The following SCAF8 variants were observed in gnomAD, a reference collection of about 807,000 sequenced individuals.
SCAF8 encodes the protein SR-related and CTD-associated factor 8.
Under a neutral mutation model 140.5 loss-of-function variants are expected in SCAF8, and 23 were observed. That is an observed-to-expected ratio of 0.16 (90% confidence interval 0.12 to 0.23). The LOEUF (loss-of-function observed/expected upper bound fraction) is 0.23, where lower values mean the gene tolerates loss of function less well. SCAF8 is among the 10% of genes least tolerant of loss of function. SCAF8 has a pLI of 1.00. For missense variants in SCAF8, 1,397 were observed against 1,555.7 expected (o/e 0.90, Z 1.72); for synonymous variants, 575 against 528.9 (o/e 1.09, Z -1.20).
intron 3 of SCAF8, among the ~76,000 whole-genome samples, chr6:154,782,636 A>T (rs1022266597): frequency 6.6e-6 from 1 of 152,184 alleles, no homozygotes; most frequent in Non-Finnish European, 1.5e-5. Flanking sequence ...AAATATTAAC[A>T]TAAGTATTAA....
rs769144717 is a variant in SCAF8, at chr6:154,774,030, G to T, written c.72G>T (p.Ala24=). 1 of 1,613,216 alleles carries T rather than the reference G, an allele frequency of 6.2e-7. No individual in the cohort carries two copies. Among genetic ancestry groups the T allele is most frequent in the Non-Finnish European group, 8.5e-7 (1 of 1,179,344 alleles). The change falls in exon 2 of 20, where the codon GCG becomes GCT. Residue 24 remains alanine (A), a synonymous_variant. Transcript: ENST00000367178. ...ACTATAAACCACCCATTTCGAAAGC[G>T]AAAATGACCCAAATTACTAAGGCAG... ...LNDYKPPISK[A]KMTQITKAAI...
chr6:154,827,664 C>T (rs1778603287), intron 18 of SCAF8, among the ~76,000 whole-genome samples: 1 of 152,104 alleles, frequency 6.6e-6, no homozygotes, highest in Non-Finnish European at 1.5e-5. Context: ...ACTGTCTTTG[C>T]ATTTCCTGTA....
At chr6:154,749,834 C>A (rs966575443) in intron 1 of SCAF8, among the ~76,000 whole-genome samples, 12 of 152,064 alleles carry the variant, frequency 7.9e-5, no homozygotes, top group African/African-American at 2.9e-4. Flanking sequence ...AGAAAAATGA[C>A]TAGCATCTTT....
intron 11 of SCAF8, 29 bp from the exon 12 acceptor site, chr6:154,809,986 A>G (rs1252537110): frequency 6.4e-7 from 1 of 1,557,196 alleles, no homozygotes; most frequent in Non-Finnish European, 8.7e-7. Flanking sequence ...AAACATTGTC[A>G]TTAGAAGTAA....
In SCAF8 at chr6:154,833,284, A is replaced by G. The variant is rs1361454041; in HGVS notation, c.3705A>G (p.Glu1235=). ...CTATACCAGTACAGAATGATCCTGA[A>G]CTTTATGAAAAACTGACATCTTCAA... ...PPPIPVQNDP[E]LYEKLTSSNE... The change falls in exon 20 of 20, where the codon GAA becomes GAG. Residue 1235 remains glutamate (E), a synonymous_variant. Transcript: ENST00000367178. 1.2e-6 allele frequency: 2 copies of G among 1,614,034 alleles called. No individual in the cohort carries two copies. Among genetic ancestry groups the G allele is most frequent in the Admixed American group, 1.7e-5 (1 of 60,014 alleles).
intron 1 of SCAF8, among the ~76,000 whole-genome samples, chr6:154,749,610 G>A (rs967003912): frequency 2.0e-5 from 3 of 152,186 alleles, no homozygotes; most frequent in African/African-American, 4.8e-5. Context: ...ACAGTAGAAA[G>A]GGTGGAGGCA....
chr6:154,800,641 G>C (rs1413899569), intron 6 of SCAF8, among the ~76,000 whole-genome samples: 1 of 149,532 alleles, frequency 6.7e-6, no homozygotes, highest in Non-Finnish European at 1.5e-5. Context: ...AGTGGTTTTG[G>C]AAAGGAGGGT....
At chr6:154,763,243 GA>G (rs1181087238) in intron 1 of SCAF8, among the ~76,000 whole-genome samples, 4 of 152,062 alleles carry the variant, frequency 2.6e-5, no homozygotes, top group African/African-American at 9.7e-5. Context: ...AGGAAGAAAA[GA>G]AAAATATCTG....
In SCAF8 at chr6:154,772,686, C is replaced by CTCAA. The variant is rs537232418; in HGVS notation, c.31-1281_31-1278dup. Among the ~76,000 whole-genome samples, 100 of 152,194 alleles carry CTCAA rather than the reference C, an allele frequency of 6.6e-4. No individual in the cohort carries two copies. The Middle Eastern group carries it at 0.01, about 16-fold the overall frequency. On this transcript the variant is annotated intron_variant, in intron 1 of 19. Transcript: ENST00000367178. ...CCTGGGTGGCACAGTGAGACCCTGT[C>CTCAA]TCAATCAATCAATCAATCAATCAAT...
rs369436526 is a variant in SCAF8 at position 154,817,967 on chromosome 6, TATC to T, written c.1522-507_1522-505del. On this transcript the variant is annotated intron_variant, in intron 13 of 19. Coordinates refer to ENST00000367178, the MANE Select transcript of SCAF8 (RefSeq NM_014892.5). ...AAAGTTTTATAAGACTGAAAATTTT[TATC>T]ATCAATTGTTTCAGATTATGGATTT... 2.7e-3 allele frequency among the ~76,000 whole-genome samples: 410 copies of T among 152,330 alleles called. 3 individuals are homozygous for T. Among genetic ancestry groups the T allele is most frequent in the Non-Finnish European group, 4.9e-3 (333 of 68,002 alleles).
intron 1 of SCAF8, among the ~76,000 whole-genome samples, chr6:154,751,227 C>T (rs1778829472): frequency 6.6e-6 from 1 of 151,740 alleles, no homozygotes; most frequent in East Asian, 1.9e-4. Flanking sequence ...TATCTAAAAA[C>T]CACATTTTTT....
chr6:154,798,644 G>A (rs1401550946), intron 6 of SCAF8, among the ~76,000 whole-genome samples: 1 of 151,176 alleles, frequency 6.6e-6, no homozygotes, highest in African/African-American at 2.4e-5. Context: ...GTTTATTGCC[G>A]AAACCACTTA....
intron 1 of SCAF8, among the ~76,000 whole-genome samples, chr6:154,747,896 CTGTGTGTGTGTGTGTG>C (rs71021073): frequency 0.015 from 2,230 of 144,734 alleles, 58 homozygotes; most frequent in African/African-American, 0.052. Flanking sequence ...CATTTCATTT[CTGTGTGTGTGTGTGTG>C]TGTGTGTGTG....
At chr6:154,805,544 G>A (rs199771724) in intron 9 of SCAF8, 58 bp downstream of exon 9, 7 of 925,014 alleles carry the variant, frequency 7.6e-6, no homozygotes, top group African/African-American at 1.7e-5. Flanking sequence ...CTATAAATTG[G>A]CATTTTTGTG....
At chr6:154,785,993 AAC>A in intron 3 of SCAF8, among the ~76,000 whole-genome samples, 1 of 152,350 alleles carries the variant, frequency 6.6e-6, no homozygotes, top group South Asian at 2.1e-4. Flanking sequence ...GCCATTGTAT[AAC>A]TGCCCAGTGG....
intron 1 of SCAF8, among the ~76,000 whole-genome samples, chr6:154,757,813 G>A (rs972782110): frequency 6.6e-6 from 1 of 151,952 alleles, no homozygotes; most frequent in Non-Finnish European, 1.5e-5. Flanking sequence ...ATGTTTGATA[G>A]CTCCATCATC....
rs374054799 is a variant in SCAF8, at chr6:154,832,369, A to G, written c.2790A>G (p.Leu930=). 1.2e-6 allele frequency: 2 copies of G among 1,614,082 alleles called. No individual in the cohort carries two copies. Among genetic ancestry groups the G allele is most frequent in the Non-Finnish European group, 1.7e-6 (2 of 1,180,004 alleles). The change falls in exon 20 of 20, where the codon CTA becomes CTG. Residue 930 remains leucine (L), a synonymous_variant. Coordinates refer to ENST00000367178, the MANE Select transcript of SCAF8 (RefSeq NM_014892.5). ...CAATGTTAGACATTCGTCCGGGACT[A>G]ATACCACAGGCACCTGGGCCAAGAT... ...TMPMLDIRPG[L]IPQAPGPRFP...
At chr6:154,774,176 CA>C in intron 2 of SCAF8, 104 bp downstream of exon 2, 1 of 791,506 alleles carries the variant, frequency 1.3e-6, no homozygotes. Context: ...TTTCACTTTA[CA>C]GTGTTAACAC....
At chr6:154,734,458 A>G (rs1406538070) in intron 1 of SCAF8, among the ~76,000 whole-genome samples, 1 of 152,230 alleles carries the variant, frequency 6.6e-6, no homozygotes, top group African/African-American at 2.4e-5. Flanking sequence ...GTAATTTGCC[A>G]GCTAGGGACT....
Sources: allele counts gnomAD v4.1 joint callset (sites outside exome capture counted in the v4.1 genomes callset), GRCh38; gene constraint gnomAD v4.1.1; transcripts MANE v1.5; gene names NCBI Gene and HGNC (gene_info 2026-07-23, HGNC 2026-07-21).